FAT3: variants seen among roughly 807,000 people sequenced by gnomAD.
The protein encoded by FAT3 is protocadherin Fat 3.
FAT3 carries 95 observed loss-of-function variants against 310.2 expected under a neutral mutation model. That is an observed-to-expected ratio of 0.31 (90% confidence interval 0.26 to 0.36). FAT3 has a LOEUF of 0.36. FAT3 is among the 10% of genes least tolerant of loss of function. FAT3 has a pLI of 1.00. For missense variants in FAT3, 5,408 were observed against 5,715.6 expected (o/e 0.95, Z 1.74); for synonymous variants, 2,314 against 2,192.9 (o/e 1.06, Z -1.54).
chr11:92,437,144 A>G (rs1031017457), intron 2 of FAT3, among the ~76,000 whole-genome samples: 1 of 152,230 alleles, frequency 6.6e-6, no homozygotes, highest in African/African-American at 2.4e-5. Flanking sequence ...TACCTAAATA[A>G]TGTTCTAAGC....
At chr11:92,721,527 C>T (rs1944858259) in intron 4 of FAT3, among the ~76,000 whole-genome samples, 1 of 152,074 alleles carries the variant, frequency 6.6e-6, no homozygotes, top group Admixed American at 6.6e-5. Context: ...CCTAATAAAT[C>T]CTCAGTTGAA....
At chr11:92,867,533 T>A (rs1263619080) in intron 22 of FAT3, among the ~76,000 whole-genome samples, 3 of 152,168 alleles carry the variant, frequency 2.0e-5, no homozygotes, top group Non-Finnish European at 4.4e-5. Flanking sequence ...TGGAACCCCC[T>A]TTTAAATATG....
chr11:92,531,981 C>T (rs1291369247), intron 3 of FAT3, among the ~76,000 whole-genome samples: 6 of 152,062 alleles, frequency 3.9e-5, no homozygotes, highest in Non-Finnish European at 8.8e-5. Flanking sequence ...ATCATACATT[C>T]TAGGGATGGG....
chr11:92,480,020 C>T (rs939217163), intron 2 of FAT3, among the ~76,000 whole-genome samples: 6 of 152,082 alleles, frequency 3.9e-5, no homozygotes, highest in African/African-American at 1.4e-4. Context: ...AATCCCAGCA[C>T]TTTGGGAGGC....
chr11:92,260,641 T>C (rs966398923), intron 1 of FAT3, among the ~76,000 whole-genome samples: 1 of 152,132 alleles, frequency 6.6e-6, no homozygotes, highest in African/African-American at 2.4e-5. Flanking sequence ...ACTCATGATG[T>C]AGACCAGGAA....
At chr11:92,545,537 T>C (rs1289447308) in intron 3 of FAT3, among the ~76,000 whole-genome samples, 1 of 152,142 alleles carries the variant, frequency 6.6e-6, no homozygotes, top group African/African-American at 2.4e-5. Flanking sequence ...ATTTTCTCTC[T>C]CAAAGATAAC....
At chr11:92,465,724 G>A (rs531906628) in intron 2 of FAT3, among the ~76,000 whole-genome samples, 1 of 152,264 alleles carries the variant, frequency 6.6e-6, no homozygotes, top group East Asian at 1.9e-4. Context: ...GGGGTGGGGG[G>A]CAGGCAGAGG....
At chr11:92,734,576 A>G (rs1945284695) in intron 4 of FAT3, among the ~76,000 whole-genome samples, 1 of 152,226 alleles carries the variant, frequency 6.6e-6, no homozygotes, top group South Asian at 2.1e-4. Context: ...ATAATGCACT[A>G]GAAAATAAAG....
chr11:92,705,436 ATGG>A (rs1451781092), intron 4 of FAT3, among the ~76,000 whole-genome samples: 44 of 16,586 alleles, frequency 2.7e-3, no homozygotes, highest in African/African-American at 8.1e-3. Context: ...GGTGGTGGTG[ATGG>A]TGGTGGTGTG....
intron 3 of FAT3, among the ~76,000 whole-genome samples, chr11:92,555,830 T>C (rs1471624213): frequency 6.6e-6 from 1 of 152,216 alleles, no homozygotes; most frequent in Non-Finnish European, 1.5e-5. Context: ...ATTACCACAC[T>C]CACCACAGAC....
intron 7 of FAT3, among the ~76,000 whole-genome samples, chr11:92,782,016 T>C (rs1001328251): frequency 7.2e-5 from 11 of 152,140 alleles, no homozygotes; most frequent in Non-Finnish European, 1.0e-4. Context: ...TTTAGACTTA[T>C]AAGGATAGGA....
chr11:92,742,730 T>C (rs930084450), intron 4 of FAT3, among the ~76,000 whole-genome samples: 1 of 152,234 alleles, frequency 6.6e-6, no homozygotes, highest in Non-Finnish European at 1.5e-5. Flanking sequence ...CACCTTGATG[T>C]TGGACTTCCC....
At chr11:92,384,667 C>T (rs575653571) in intron 2 of FAT3, among the ~76,000 whole-genome samples, 1 of 152,272 alleles carries the variant, frequency 6.6e-6, no homozygotes, top group Non-Finnish European at 1.5e-5. Flanking sequence ...AGCTAATGTG[C>T]TTCCTGATGT....
intron 1 of FAT3, among the ~76,000 whole-genome samples, chr11:92,332,938 T>C (rs1274892004): frequency 6.6e-6 from 1 of 152,202 alleles, no homozygotes; most frequent in East Asian, 1.9e-4. Flanking sequence ...TCCTTGAAGT[T>C]GATCTCTGCT....
At chr11:92,646,192 T>C (rs938783636) in intron 3 of FAT3, among the ~76,000 whole-genome samples, 1 of 152,152 alleles carries the variant, frequency 6.6e-6, no homozygotes, top group African/African-American at 2.4e-5. Flanking sequence ...ATGGACTGTC[T>C]AGAGAGCCCA....
intron 6 of FAT3, among the ~76,000 whole-genome samples, chr11:92,772,267 C>T (rs1371254766): frequency 6.6e-6 from 1 of 152,150 alleles, no homozygotes; most frequent in South Asian, 2.1e-4. Context: ...TCTTTCCTTC[C>T]ATACAGGACT....
At chr11:92,359,574 A>G (rs1457299730) in intron 2 of FAT3, among the ~76,000 whole-genome samples, 1 of 149,842 alleles carries the variant, frequency 6.7e-6, no homozygotes. Flanking sequence ...GGTGCGCTGC[A>G]CCCACTAACT....
chr11:92,337,514 C>T (rs749359522), intron 1 of FAT3, among the ~76,000 whole-genome samples: 17 of 152,208 alleles, frequency 1.1e-4, no homozygotes, highest in Non-Finnish European at 2.4e-4. Flanking sequence ...TCACTGCAAC[C>T]TCTGCCTCCT....
intron 2 of FAT3, among the ~76,000 whole-genome samples, chr11:92,412,734 TATATATATATAA>T (rs58321164): frequency 0.053 from 630 of 11,832 alleles, 73 homozygotes; most frequent in African/African-American, 0.1. Flanking sequence ...TATATATATA[TATATATATATAA>T]ATATACATAC....
Sources: allele counts gnomAD v4.1 joint callset (sites outside exome capture counted in the v4.1 genomes callset), GRCh38; gene constraint gnomAD v4.1.1; transcripts MANE v1.5; gene names NCBI Gene and HGNC (gene_info 2026-07-23, HGNC 2026-07-21).